KIF2C: variants seen among roughly 807,000 people sequenced by gnomAD.
KIF2C encodes the protein kinesin family member 2C.
A neutral mutation model predicts 97.4 loss-of-function variants in KIF2C; 34 were observed. The ratio of observed to expected loss-of-function variants is 0.35; its 90% CI spans 0.27 to 0.46. The LOEUF (loss-of-function observed/expected upper bound fraction) is 0.46. KIF2C is among the 20% of genes least tolerant of loss of function. The pLI is 1.00. For synonymous variants in KIF2C, 313 were observed against 318.2 expected (o/e 0.98, Z 0.17); for missense variants, 750 against 907.6 (o/e 0.83, Z 2.23).
intron 2 of KIF2C, among the ~76,000 whole-genome samples, chr1:44,741,482 C>T (rs1294332861): frequency 3.3e-5 from 5 of 151,444 alleles, no homozygotes; most frequent in East Asian, 1.9e-4. Flanking sequence ...CTCAGGAGTT[C>T]GAGACCAGCC....
chr1:44,764,984 G>T (rs1316034384), intron 19 of KIF2C, among the ~76,000 whole-genome samples: 2 of 152,072 alleles, frequency 1.3e-5, no homozygotes, highest in South Asian at 4.1e-4. Flanking sequence ...GCCAGGCATG[G>T]TGGCAGGCAT....
At position 44,757,168 on chromosome 1, in the gene KIF2C, C is replaced by T. The variant is rs192873629; in HGVS notation, c.978-388C>T. Among the ~76,000 whole-genome samples the T allele has an allele frequency of 2.2e-3, 338 of 151,502 alleles. 3 individuals are homozygous for T. The highest frequency in any genetic ancestry group is 3.6e-3 in the Non-Finnish European group (245 of 67,822). ...CTGAGTTCAGGTGATCCACACACTTCGGCCTCCCAAAGTGCTGGGATTACA... is the reference window on the plus strand; with the variant it reads ...CTGAGTTCAGGTGATCCACACACTTTGGCCTCCCAAAGTGCTGGGATTACA... On this transcript the variant is annotated intron_variant, in intron 10 of 20. Coordinates refer to ENST00000372224, the MANE Select transcript of KIF2C (RefSeq NM_006845.4).
Position 44,753,263 on chromosome 1 carries a change from A to G in KIF2C, c.562+9A>G. Reference sequence around the variant, plus strand: ...AAACCCTGTGAACTCAGGTAGACACACTGAGCTGTCTGCTGTTCTGCTTCT... The same window carrying G: ...AAACCCTGTGAACTCAGGTAGACACGCTGAGCTGTCTGCTGTTCTGCTTCT... On this transcript the variant is annotated intron_variant, in intron 6 of 20. Transcript: ENST00000372224. 1 of 1,608,964 alleles carries G rather than the reference A, an allele frequency of 6.2e-7. No individual in the cohort carries two copies.
intron 2 of KIF2C, 63 bp from the exon 3 acceptor site, chr1:44,747,321 A>G: frequency 1.4e-6 from 2 of 1,401,798 alleles, no homozygotes; most frequent in Non-Finnish European, 2.0e-6. Context: ...AAAAAAAAAA[A>G]AGAAAAAATG....
chr1:44,745,808 G>A (rs923947347), intron 2 of KIF2C, among the ~76,000 whole-genome samples: 1 of 151,774 alleles, frequency 6.6e-6, no homozygotes, highest in Non-Finnish European at 1.5e-5. Context: ...CCTTCCCCCT[G>A]TAGGCTGCTG....
chr1:44,758,008 A>G (rs768957858), intron 12 of KIF2C, 37 bp downstream of exon 12: 2 of 1,614,118 alleles, frequency 1.2e-6, no homozygotes, highest in South Asian at 2.2e-5. Context: ...GGTTGGGCAC[A>G]GAAAGGCAGG....
chr1:44,739,961 G>A lies in KIF2C; in HGVS notation c.29G>A (p.Arg10His), dbSNP rs769102124. The A allele has an allele frequency of 6.2e-7, 1 of 1,614,178 alleles. No homozygotes were observed. Among genetic ancestry groups the A allele is most frequent in the East Asian group, 2.2e-5 (1 of 44,884 alleles). ...GCCATGGACTCGTCGCTTCAGGCCCGCCTGTTTCCCGGTCTCGCTATCAAG... is the reference window on the plus strand; with the variant it reads ...GCCATGGACTCGTCGCTTCAGGCCCACCTGTTTCCCGGTCTCGCTATCAAG... MAMDSSLQA[R>H]LFPGLAIKIQ... The change falls in exon 1 of 21, where the codon CGC becomes CAC. Residue 10 changes from arginine (R) to histidine (H), a missense_variant. Arg to His is a conservative substitution (Grantham distance 29). Coordinates refer to ENST00000372224, the MANE Select transcript of KIF2C (RefSeq NM_006845.4).
chr1:44,762,026 G>A, intron 17 of KIF2C, 43 bp downstream of exon 17: 1 of 1,555,716 alleles, frequency 6.4e-7, no homozygotes, highest in South Asian at 1.1e-5. Flanking sequence ...ACAGGACTGG[G>A]CAAGGGAAGG....
At chr1:44,741,768 C>G (rs983488050) in intron 2 of KIF2C, among the ~76,000 whole-genome samples, 2 of 152,052 alleles carry the variant, frequency 1.3e-5, no homozygotes, top group Non-Finnish European at 2.9e-5. Context: ...GTGGGCAGAT[C>G]GCTTTGAGCT....
chr1:44,753,803 G>A lies in KIF2C; in HGVS notation c.633G>A (p.Gln211=). Residue 211 remains glutamine, a synonymous_variant, in exon 7 of 21, where the codon CAG becomes CAA. Coordinates refer to ENST00000372224, the MANE Select transcript of KIF2C (RefSeq NM_006845.4). The stretch of plus-strand genomic sequence containing the variant: ...ACAAGCGAGAAGAGAAGAAGGCCCA[G>A]AACTCTGAAATGAGAATGAAGAGAG... ...MKNKREEKKA[Q]NSEMRMKRAQ... 1.2e-6 allele frequency: 2 copies of A among 1,611,854 alleles called. No homozygotes were observed. Among genetic ancestry groups the A allele is most frequent in the Middle Eastern group, 1.7e-4 (1 of 6,052 alleles).
intron 2 of KIF2C, among the ~76,000 whole-genome samples, chr1:44,741,849 C>T (rs1266013900): frequency 2.0e-5 from 3 of 151,606 alleles, no homozygotes; most frequent in Admixed American, 1.3e-4. Flanking sequence ...AAACATTAGC[C>T]GGGCATGGTG....
Position 44,761,000 on chromosome 1 carries a change from T to C in KIF2C, c.1683+298T>C. 2 of 338,502 alleles carry C rather than the reference T, an allele frequency of 5.9e-6. No individual in the cohort carries two copies. The highest frequency in any genetic ancestry group is 6.4e-5 in the South Asian group (2 of 31,340). The allele number at this position is 338,502 out of a possible 1,614,324, so 21.0% of individuals were successfully genotyped here. A position where few individuals can be genotyped will look rare whatever the true frequency, so the allele number is the denominator to read the frequency against. On this transcript the variant is annotated intron_variant, in intron 16 of 20. Coordinates refer to ENST00000372224, the MANE Select transcript of KIF2C (RefSeq NM_006845.4). The surrounding 1 kb of genome is among the most constrained non-coding windows in gnomAD (Gnocchi z 4.2). ...GGTTCCAGAATTCGGAAGATGGGCC[T>C]TTGGGTCAGCAGGAGAGGGAAGTCC...
chr1:44,760,367 T>C lies in KIF2C; in HGVS notation c.1455T>C (p.His485=). 1.9e-6 allele frequency: 3 copies of C among 1,614,230 alleles called. No homozygotes were observed. The highest frequency in any genetic ancestry group is 1.1e-5 in the South Asian group (1 of 91,080). ...QIILRAKGRM[H]GKFSLVDLAG... is the part of the protein sequence containing the mutation. ...TTCTTCGAGCTAAAGGGAGAATGCA[T>C]GGCAAGTTCTCTTTGGTAGATCTGG... Residue 485 remains histidine (H), a synonymous_variant, in exon 15 of 21, where the codon CAT becomes CAC. Coordinates refer to ENST00000372224, the MANE Select transcript of KIF2C (RefSeq NM_006845.4). This position sits in a 1 kb window ranked among gnomAD's most constrained non-coding sequence, Gnocchi z 4.2.
chr1:44,766,634 AAAAC>A (rs1650483452), intron 19 of KIF2C, among the ~76,000 whole-genome samples, 188 bp from the exon 20 acceptor site: 1 of 152,134 alleles, frequency 6.6e-6, no homozygotes, highest in South Asian at 2.1e-4. Context: ...GAAAACGAAA[AAAAC>A]AAGCTTGGGG....
chr1:44,743,522 A>G (rs2148820671), intron 2 of KIF2C, among the ~76,000 whole-genome samples: 1 of 152,260 alleles, frequency 6.6e-6, no homozygotes, highest in Non-Finnish European at 1.5e-5. Context: ...GTAGCTGGGC[A>G]CAGTACCTGT....
chr1:44,748,243 A>G (rs6704436), intron 4 of KIF2C, among the ~76,000 whole-genome samples: 25,993 of 152,140 alleles, frequency 0.17, 2,341 homozygotes, highest in East Asian at 0.27. Flanking sequence ...AAGCTTCCCA[A>G]AAGATCCAGC....
chr1:44,759,375 C>T (rs571456891), intron 14 of KIF2C, 27 bp downstream of exon 14: 71 of 1,612,486 alleles, frequency 4.4e-5, no homozygotes, highest in Admixed American at 4.2e-4. Context: ...GGGGAAGGAG[C>T]GACCTTCTCA....
chr1:44,755,854 G>A, intron 8 of KIF2C, 75 bp from the exon 9 acceptor site: 1 of 1,392,212 alleles, frequency 7.2e-7, no homozygotes, highest in Non-Finnish European at 1.0e-6. Context: ...GGAAGGGGTG[G>A]GAGTTCTGGA....
chr1:44,746,616 C>G (rs1649207232), intron 2 of KIF2C: 1 of 1,468,356 alleles, frequency 6.8e-7, no homozygotes, highest in African/African-American at 1.4e-5. Flanking sequence ...CACTGCCCAG[C>G]AGATCAGCAG....
Sources: gnomAD v4.1 joint callset for allele counts (sites outside exome capture counted in the v4.1 genomes callset) on GRCh38, gnomAD v4.1.1 for gene constraint, Gnocchi (gnomAD v3.1) non-coding constraint, MANE v1.5 for transcripts, NCBI Gene and HGNC (gene_info 2026-07-23, HGNC 2026-07-21) for gene names.